B3GALT1: variants seen among roughly 807,000 people sequenced by gnomAD.
B3GALT1 encodes UDP-Gal:betaGlcNAc beta 1,3-galactosyltransferase, polypeptide 1.
B3GALT1 carries 10 observed loss-of-function variants against 23.2 expected under a neutral mutation model. That is an observed-to-expected ratio of 0.43 (90% CI 0.27 to 0.73). B3GALT1 has a LOEUF of 0.73. B3GALT1 is among the 30% of genes least tolerant of loss of function. B3GALT1 has a pLI of 0.21. For synonymous variants in B3GALT1, 156 were observed against 141.5 expected (o/e 1.10, Z -0.73); for missense variants, 299 against 405.4 (o/e 0.74, Z 2.25).
intron 3 of B3GALT1, among the ~76,000 whole-genome samples, chr2:167,718,143 A>C (rs1388704600): frequency 1.3e-5 from 2 of 152,200 alleles, no homozygotes; most frequent in Admixed American, 1.3e-4. Context: ...ACAAGCATGA[A>C]TCAAACTGTG....
At chr2:167,853,217 T>G (rs1396826868) in intron 4 of B3GALT1, among the ~76,000 whole-genome samples, 1 of 152,180 alleles carries the variant, frequency 6.6e-6, no homozygotes. Context: ...CTACCATGAA[T>G]CCAGCATTCT....
At chr2:167,475,125 T>C (rs1227549393) in intron 1 of B3GALT1, among the ~76,000 whole-genome samples, 2 of 152,296 alleles carry the variant, frequency 1.3e-5, no homozygotes, top group East Asian at 3.9e-4. Context: ...CCAAAAATAT[T>C]AAATAGTAAA....
intron 1 of B3GALT1, among the ~76,000 whole-genome samples, chr2:167,433,507 A>G (rs1489733414): frequency 6.6e-6 from 1 of 152,198 alleles, no homozygotes; most frequent in Non-Finnish European, 1.5e-5. Context: ...ATAAGAGTTG[A>G]TAGGTTAAAA....
At chr2:167,606,748 T>C (rs546612058) in intron 2 of B3GALT1, among the ~76,000 whole-genome samples, 2 of 152,198 alleles carry the variant, frequency 1.3e-5, no homozygotes, top group Non-Finnish European at 2.9e-5. Context: ...ACTTCTATGC[T>C]CTATTGAAAG....
intron 3 of B3GALT1, among the ~76,000 whole-genome samples, chr2:167,697,735 C>T (rs1186588217): frequency 6.6e-6 from 1 of 152,026 alleles, no homozygotes. Context: ...AAGTATCAGC[C>T]GAGAGATGCC....
intron 3 of B3GALT1, among the ~76,000 whole-genome samples, chr2:167,758,467 G>T (rs559217407): frequency 6.6e-6 from 1 of 152,110 alleles, no homozygotes; most frequent in Non-Finnish European, 1.5e-5. Flanking sequence ...GAATGGGCTC[G>T]GCAATTTGCA....
At chr2:167,301,385 G>A (rs1436672765) in intron 1 of B3GALT1, among the ~76,000 whole-genome samples, 3 of 152,128 alleles carry the variant, frequency 2.0e-5, no homozygotes, top group Non-Finnish European at 2.9e-5. Context: ...GGCTAAATCA[G>A]CATCAGTACT....
At chr2:167,479,652 C>G (rs1363184870) in intron 1 of B3GALT1, among the ~76,000 whole-genome samples, 1 of 151,894 alleles carries the variant, frequency 6.6e-6, no homozygotes, top group Non-Finnish European at 1.5e-5. Flanking sequence ...ACTTGGCTAC[C>G]TCCTATCTCA....
chr2:167,849,954 T>C (rs1218608180), intron 4 of B3GALT1, among the ~76,000 whole-genome samples: 10 of 148,738 alleles, frequency 6.7e-5, no homozygotes, highest in African/African-American at 2.2e-4. Context: ...GAAGATAACA[T>C]TGGAAAAACT....
At chr2:167,507,172 A>G (rs1331124390) in intron 2 of B3GALT1, among the ~76,000 whole-genome samples, 1 of 152,202 alleles carries the variant, frequency 6.6e-6, no homozygotes, top group East Asian at 1.9e-4. Flanking sequence ...TGAGTGGAAT[A>G]GAGGAGAAAT....
At chr2:167,703,188 A>C (rs1686908126) in intron 3 of B3GALT1, among the ~76,000 whole-genome samples, 1 of 152,192 alleles carries the variant, frequency 6.6e-6, no homozygotes, top group Non-Finnish European at 1.5e-5. Flanking sequence ...TGTCATTTTC[A>C]TCCACACTTT....
intron 2 of B3GALT1, among the ~76,000 whole-genome samples, chr2:167,623,919 A>G (rs982390215): frequency 2.0e-5 from 3 of 152,060 alleles, no homozygotes; most frequent in African/African-American, 7.2e-5. Flanking sequence ...ACAAGTAACT[A>G]TAACACATGG....
intron 1 of B3GALT1, among the ~76,000 whole-genome samples, chr2:167,305,806 G>A (rs1324951488): frequency 6.6e-6 from 1 of 152,142 alleles, no homozygotes; most frequent in East Asian, 1.9e-4. Flanking sequence ...AAGAATTTCT[G>A]TTAAATTGTT....
intron 2 of B3GALT1, among the ~76,000 whole-genome samples, chr2:167,500,565 C>G (rs1371340646): frequency 1.3e-5 from 2 of 151,212 alleles, no homozygotes; most frequent in African/African-American, 4.9e-5. Flanking sequence ...ATGTTCTTCC[C>G]TAGAGTAACC....
chr2:167,385,965 C>T (rs1523885), intron 1 of B3GALT1, among the ~76,000 whole-genome samples: 143,897 of 152,256 alleles, frequency 0.95, 68,238 homozygotes, highest in Non-Finnish European at 0.99. Context: ...GGGAAACATA[C>T]TTCAAGTAAA....
intron 1 of B3GALT1, among the ~76,000 whole-genome samples, chr2:167,351,531 C>T (rs990561246): frequency 2.6e-5 from 4 of 152,116 alleles, no homozygotes; most frequent in Non-Finnish European, 5.9e-5. Context: ...AGAAAGCTGA[C>T]ATAGCTTTGT....
chr2:167,652,025 T>C (rs1018436805), intron 3 of B3GALT1, among the ~76,000 whole-genome samples: 1 of 152,016 alleles, frequency 6.6e-6, no homozygotes, highest in African/African-American at 2.4e-5. Flanking sequence ...GACAGAAGAC[T>C]GCAGGGTCAA....
At chr2:167,654,173 T>A (rs1014156522) in intron 3 of B3GALT1, among the ~76,000 whole-genome samples, 1 of 152,130 alleles carries the variant, frequency 6.6e-6, no homozygotes, top group African/African-American at 2.4e-5. Flanking sequence ...AAAATGGAAA[T>A]AATAAGAGCA....
intron 4 of B3GALT1, among the ~76,000 whole-genome samples, chr2:167,854,307 T>C (rs1227135260): frequency 6.6e-6 from 1 of 152,148 alleles, no homozygotes; most frequent in Non-Finnish European, 1.5e-5. Flanking sequence ...AAGGGACTTA[T>C]CAAATAAGTG....
Sources: gnomAD v4.1 joint callset for allele counts (sites outside exome capture counted in the v4.1 genomes callset) on GRCh38, gnomAD v4.1.1 for gene constraint, MANE v1.5 for transcripts, NCBI Gene and HGNC (gene_info 2026-07-23, HGNC 2026-07-21) for gene names.